Variants in MAP7D3 observed in about 807,000 individuals in gnomAD.
The protein encoded by MAP7D3 is MAP7 domain containing 3.
In MAP7D3, 45 loss-of-function variants were observed where a neutral mutation model predicts 62.2. That is an observed-to-expected ratio of 0.72 (90% CI 0.57 to 0.93). MAP7D3 has a LOEUF of 0.93. Among genes scored for constraint, MAP7D3 ranks in the 40% least tolerant of loss-of-function variants. The pLI is 0.00. For missense variants in MAP7D3, 711 were observed against 683.1 expected (o/e 1.04, Z -0.45); for synonymous variants, 288 against 248.8 (o/e 1.16, Z -1.48).
chrX:136,231,493 A>G, intron 8 of MAP7D3, 51 bp downstream of exon 8: 1 of 1,057,437 alleles, frequency 9.5e-7, no homozygotes, highest in Non-Finnish European at 1.3e-6. Flanking sequence ...CTATACAACA[A>G]AATATACATA....
chrX:136,251,931 C>T (rs1005337148), upstream of MAP7D3, among the ~76,000 whole-genome samples: 2 of 111,813 alleles, frequency 1.8e-5, no homozygotes, highest in Non-Finnish European at 3.8e-5. Context: ...ACATAGGTCT[C>T]AAAGTTGGGT....
chrX:136,249,801 G>A (rs1000224291), intron 1 of MAP7D3, among the ~76,000 whole-genome samples: 1 of 112,109 alleles, frequency 8.9e-6, no homozygotes, highest in Non-Finnish European at 1.9e-5. Flanking sequence ...TCTAACATGC[G>A]ATATTTACAA....
At position 136,231,527 on chromosome X, in the gene MAP7D3, A is replaced by G; in HGVS notation, c.1413+17T>C. 8.6e-7 allele frequency: 1 copy of G among 1,167,590 alleles called. No homozygotes were observed. On this transcript the variant is annotated intron_variant, in intron 8 of 18. Coordinates refer to ENST00000316077, the MANE Select transcript of MAP7D3 (RefSeq NM_024597.4). ...TATTTTAATAGAAAATTTGTCAATA[A>G]CAGGCACTTGACAAACCTTTGGAGC...
chrX:136,216,368 A>C (rs1455661099), downstream of MAP7D3, among the ~76,000 whole-genome samples: 1 of 105,282 alleles, frequency 9.5e-6, no homozygotes, highest in African/African-American at 3.4e-5. Flanking sequence ...CTAAAAAAAA[A>C]AAAAAAAAAA....
intron 8 of MAP7D3, 44 bp from the exon 9 acceptor site, chrX:136,231,010 C>T: frequency 1.1e-6 from 1 of 946,321 alleles, no homozygotes. Context: ...ACAAACAATT[C>T]TTTTACTGCA....
chrX:136,232,523 T>C (rs1214136737), intron 7 of MAP7D3, among the ~76,000 whole-genome samples: 1 of 112,470 alleles, frequency 8.9e-6, no homozygotes, highest in East Asian at 2.8e-4. Context: ...TCTATTTTAA[T>C]CATACTATAT....
chrX:136,234,611 T>C (rs2074309135), intron 7 of MAP7D3, among the ~76,000 whole-genome samples: 1 of 112,143 alleles, frequency 8.9e-6, no homozygotes, highest in East Asian at 2.8e-4. Flanking sequence ...AAATCACTAA[T>C]ATGGTAACTA....
intron 13 of MAP7D3, among the ~76,000 whole-genome samples, 156 bp downstream of exon 13, chrX:136,225,753 G>A (rs1464974134): frequency 8.9e-6 from 1 of 112,012 alleles, no homozygotes; most frequent in Non-Finnish European, 1.9e-5. Context: ...CTCTATGTAG[G>A]AGAAGTCAGA....
rs368226402 is a variant in MAP7D3, at chrX:136,236,341, T to C, written c.641-2A>G. 1.8e-6 allele frequency: 2 copies of C among 1,104,621 alleles called. No homozygotes were observed. The highest frequency in any genetic ancestry group is 3.0e-5 in the East Asian group (1 of 33,005). The allele number at this position is 1,104,621 out of a possible 1,213,427, so 91.0% of individuals were successfully genotyped here. On this transcript the variant is annotated splice_acceptor_variant, in intron 6 of 18. Transcript: ENST00000316077. LOFTEE classifies it high-confidence loss of function. ...AGCTTCTCTCCTTGTCTGTTTTCCCTAGAGAGCAAGTACAAAAGGAATATT... is the reference window on the plus strand; with the variant it reads ...AGCTTCTCTCCTTGTCTGTTTTCCCCAGAGAGCAAGTACAAAAGGAATATT...
chrX:136,246,310 C>T lies in MAP7D3; in HGVS notation c.102G>A (p.Arg34=). 1 of 1,202,871 alleles carries T rather than the reference C, an allele frequency of 8.3e-7. No individual in the cohort carries two copies. Among genetic ancestry groups the T allele is most frequent in the African/African-American group, 1.7e-5 (1 of 57,588 alleles). Reference sequence around the variant, plus strand: ...CACGATTAACCACATCTTGCTTCCTCCTTTCCTTAGCAATCTCGTTTGCTG... The same window carrying T: ...CACGATTAACCACATCTTGCTTCCTTCTTTCCTTAGCAATCTCGTTTGCTG... ...VAAANEIAKE[R]RKQDVVNRVA... is the part of the protein sequence containing the mutation. The change falls in exon 2 of 19, where the codon AGG becomes AGA. Residue 34 remains arginine, a synonymous_variant. Coordinates refer to ENST00000316077, the MANE Select transcript of MAP7D3 (RefSeq NM_024597.4).
rs2074329327 is a variant in MAP7D3, at chrX:136,236,298, CTCT to C, written c.679_681del (p.Arg227del). 3.3e-6 allele frequency: 4 copies of C among 1,196,862 alleles called. No individual in the cohort carries two copies. Among genetic ancestry groups the C allele is most frequent in the Non-Finnish European group, 4.5e-6 (4 of 884,742 alleles). On this transcript the variant is annotated inframe_deletion, in exon 7 of 19. Coordinates refer to ENST00000316077, the MANE Select transcript of MAP7D3 (RefSeq NM_024597.4). ...TCAGTAGACGAATGTAGGTTACTAT[CTCT>C]TCTATTTAAAGATGAGCTTCTCTCC... is the stretch of plus-strand genomic sequence containing the variant.
chrX:136,214,400 C>T (rs2074048800), downstream of MAP7D3: 1 of 111,768 alleles, frequency 8.9e-6, no homozygotes, highest in Non-Finnish European at 1.9e-5. Context: ...GATAAAATGT[C>T]ATGCACAGTC....
chrX:136,250,385 T>C (rs764332243), intron 1 of MAP7D3, among the ~76,000 whole-genome samples: 2 of 112,163 alleles, frequency 1.8e-5, no homozygotes, highest in African/African-American at 6.5e-5. Flanking sequence ...GAAGAAATCC[T>C]ATCTCAGGTA....
chrX:136,249,771 T>C (rs186381139), intron 1 of MAP7D3, among the ~76,000 whole-genome samples: 3 of 111,991 alleles, frequency 2.7e-5, no homozygotes, highest in East Asian at 5.6e-4. Flanking sequence ...TCTGGTCAAG[T>C]TGGTGCTCTG....
At chrX:136,234,821 T>C (rs2074311458) in intron 7 of MAP7D3, among the ~76,000 whole-genome samples, 1 of 111,585 alleles carries the variant, frequency 9.0e-6, no homozygotes, top group Non-Finnish European at 1.9e-5. Context: ...CTGATTAAAT[T>C]ATTCTCTTGA....
upstream of MAP7D3, among the ~76,000 whole-genome samples, chrX:136,254,236 C>A (rs951203503): frequency 9.3e-6 from 1 of 107,589 alleles, no homozygotes; most frequent in Non-Finnish European, 1.9e-5. Context: ...AGACCTGCAC[C>A]CCCACGCCCG....
upstream of MAP7D3, chrX:136,251,516 G>A (rs1191377953): frequency 3.6e-6 from 3 of 844,736 alleles, no homozygotes. Flanking sequence ...TCGGACCTGC[G>A]AACCGGGCAG....
At chrX:136,237,444 T>C (rs1034792074) in intron 6 of MAP7D3, among the ~76,000 whole-genome samples, 1 of 112,160 alleles carries the variant, frequency 8.9e-6, no homozygotes, top group Non-Finnish European at 1.9e-5. Context: ...TTCATCTGAG[T>C]TTAAAATGTT....
At chrX:136,256,314 GGTCAT>G, upstream of MAP7D3, 1 of 1,155,064 alleles carries the variant, frequency 8.7e-7, no homozygotes, top group East Asian at 3.3e-5. Flanking sequence ...CTCGGGGGCT[GGTCAT>G]GTCTCACTTG....
Sources: allele counts gnomAD v4.1 joint callset (sites outside exome capture counted in the v4.1 genomes callset), GRCh38; gene constraint gnomAD v4.1.1; transcripts MANE v1.5; gene names NCBI Gene and HGNC (gene_info 2026-07-23, HGNC 2026-07-21).